ZNG1C: variants seen among roughly 807,000 people sequenced by gnomAD.
ZNG1C encodes zinc-regulated GTPase metalloprotein activator 1C.
chr9:68,287,483 T>C, the ZNG1C span, among the ~76,000 whole-genome samples: 1 of 152,256 alleles, frequency 6.6e-6, no homozygotes, highest in African/African-American at 2.4e-5. Flanking sequence ...CCAGTTTAAA[T>C]GGCATCAACA....
chr9:68,293,154 T>A, the ZNG1C span, among the ~76,000 whole-genome samples: 1 of 152,144 alleles, frequency 6.6e-6, no homozygotes, highest in Non-Finnish European at 1.5e-5. Context: ...AGTGCAAGAA[T>A]GCTAAAAGGA....
the ZNG1C span, among the ~76,000 whole-genome samples, chr9:68,287,532 T>C: frequency 2.0e-5 from 3 of 152,416 alleles, no homozygotes; most frequent in African/African-American, 7.2e-5. Context: ...CCAACATTTC[T>C]TTTGCCTGGA....
At chr9:68,275,368 A>C in the ZNG1C span, among the ~76,000 whole-genome samples, 2 of 149,250 alleles carry the variant, frequency 1.3e-5, no homozygotes, top group African/African-American at 2.4e-5. Context: ...GTACATGTGC[A>C]CAATGTGCAG....
chr9:68,287,598 A>G, the ZNG1C span, among the ~76,000 whole-genome samples: 1 of 152,308 alleles, frequency 6.6e-6, no homozygotes. Flanking sequence ...GCATAAGAGT[A>G]GAATAGTATA....
At chr9:68,268,587 A>G in the ZNG1C span, among the ~76,000 whole-genome samples, 1,673 of 94,838 alleles carry the variant, frequency 0.018, no homozygotes, top group Middle Eastern at 0.04. Context: ...TTGAGTATCT[A>G]CTCATTTTTA....
the ZNG1C span, among the ~76,000 whole-genome samples, chr9:68,286,764 AT>A: frequency 6.6e-6 from 1 of 150,634 alleles, no homozygotes; most frequent in Non-Finnish European, 1.5e-5. Flanking sequence ...AGCTACTTGC[AT>A]TTGTATTCAT....
chr9:68,285,033 A>G, the ZNG1C span, among the ~76,000 whole-genome samples: 4 of 150,846 alleles, frequency 2.7e-5, no homozygotes, highest in Non-Finnish European at 4.4e-5. Context: ...ACATACACTT[A>G]AGAGCAGTTA....
chr9:68,288,613 C>T, the ZNG1C span, among the ~76,000 whole-genome samples: 5 of 138,718 alleles, frequency 3.6e-5, no homozygotes, highest in Non-Finnish European at 4.7e-5. Context: ...GCTGGGATTA[C>T]AGGCATGTAC....
chr9:68,289,046 AAT>A, the ZNG1C span, among the ~76,000 whole-genome samples: 13 of 106,010 alleles, frequency 1.2e-4, no homozygotes, highest in African/African-American at 4.1e-5. Context: ...GGAAAAGAGC[AAT>A]ATGGATGTTT....
At chr9:68,274,055 A>C in the ZNG1C span, 1 of 148,962 alleles carries the variant, frequency 6.7e-6, no homozygotes, top group Non-Finnish European at 1.5e-5. Context: ...GTCCATGGCC[A>C]GGATGGTCTT....
the ZNG1C span, among the ~76,000 whole-genome samples, chr9:68,267,137 T>C: frequency 6.6e-5 from 10 of 152,364 alleles, no homozygotes; most frequent in African/African-American, 2.4e-4. Flanking sequence ...TACAATGCTT[T>C]GAGCGTGATG....
the ZNG1C span, among the ~76,000 whole-genome samples, chr9:68,292,180 A>G: frequency 6.6e-6 from 1 of 151,558 alleles, no homozygotes; most frequent in Non-Finnish European, 1.5e-5. Flanking sequence ...GAATCTGAAC[A>G]ACAACCTTCA....
At chr9:68,257,183 G>A in the ZNG1C span, among the ~76,000 whole-genome samples, 446 of 129,334 alleles carry the variant, frequency 3.4e-3, no homozygotes, top group South Asian at 6.0e-3. Flanking sequence ...GACTACAGGC[G>A]TGCACCATCG....
At chr9:68,244,169 T>C in the ZNG1C span, among the ~76,000 whole-genome samples, 48 of 49,302 alleles carry the variant, frequency 9.7e-4, 3 homozygotes, top group Non-Finnish European at 1.5e-3. Flanking sequence ...TTTCATAATA[T>C]GGTTAAAAAG....
At chr9:68,299,247 C>T in the ZNG1C span, 53 of 1,552,528 alleles carry the variant, frequency 3.4e-5, no homozygotes, top group African/African-American at 6.9e-5. Context: ...TTACAACGTT[C>T]GTAAAAGCTT....
chr9:68,257,441 T>G, the ZNG1C span, among the ~76,000 whole-genome samples: 1 of 48,856 alleles, frequency 2.0e-5, no homozygotes, highest in East Asian at 2.5e-4. Flanking sequence ...TTTAGTTTAA[T>G]GATGAAATCT....
At chr9:68,281,131 A>T in the ZNG1C span, among the ~76,000 whole-genome samples, 1 of 148,158 alleles carries the variant, frequency 6.7e-6, no homozygotes, top group Non-Finnish European at 1.5e-5. Flanking sequence ...TTCTTTGACT[A>T]GGAAAGGGAA....
At chr9:68,281,251 A>G in the ZNG1C span, among the ~76,000 whole-genome samples, 1 of 152,274 alleles carries the variant, frequency 6.6e-6, no homozygotes, top group South Asian at 2.1e-4. Context: ...CTACCTAGTG[A>G]GATGAACCCG....
chr9:68,287,487 A>G, the ZNG1C span, among the ~76,000 whole-genome samples: 2,798 of 140,098 alleles, frequency 0.02, 7 homozygotes, highest in African/African-American at 0.045. Flanking sequence ...TTTAAATGGC[A>G]TCAACATTTA....
Sources: allele counts gnomAD v4.1 joint callset (sites outside exome capture counted in the v4.1 genomes callset), GRCh38; gene constraint gnomAD v4.1.1; transcripts MANE v1.5; gene names NCBI Gene and HGNC (gene_info 2026-07-23, HGNC 2026-07-21).